SRPK2: variants seen among roughly 807,000 people sequenced by gnomAD.
SRPK2 encodes the protein SFRS protein kinase 2.
A neutral mutation model predicts 90.8 loss-of-function variants in SRPK2; 21 were observed. The observed-to-expected ratio is 0.23, with a 90% confidence interval of 0.16 to 0.33. SRPK2 has a LOEUF of 0.33. Among genes scored for constraint, SRPK2 ranks in the 10% least tolerant of loss-of-function variants. The pLI, the probability that SRPK2 is intolerant of heterozygous loss-of-function variation, is 1.00. For synonymous variants in SRPK2, 288 were observed against 311.1 expected (o/e 0.93, Z 0.78); for missense variants, 620 against 869.0 (o/e 0.71, Z 3.60).
downstream of SRPK2, chr7:105,115,325 A>C (rs1404378569): frequency 6.6e-6 from 1 of 152,224 alleles, no homozygotes; most frequent in East Asian, 1.9e-4. Context: ...GTATGGGAAG[A>C]AGCAAGTTAG....
chr7:105,331,685 G>C (rs1233728514), intron 2 of SRPK2, among the ~76,000 whole-genome samples: 1 of 152,104 alleles, frequency 6.6e-6, no homozygotes, highest in Non-Finnish European at 1.5e-5. Flanking sequence ...TCACCTCACA[G>C]AACTGAAATC....
chr7:105,342,369 T>A (rs1254057440), intron 2 of SRPK2, among the ~76,000 whole-genome samples: 1 of 150,376 alleles, frequency 6.6e-6, no homozygotes, highest in African/African-American at 2.4e-5. Context: ...TTAAATAAAA[T>A]AAAAATATAA....
intron 2 of SRPK2, among the ~76,000 whole-genome samples, chr7:105,316,300 G>C (rs781591205): frequency 2.8e-4 from 42 of 152,206 alleles, no homozygotes; most frequent in Admixed American, 2.0e-4. Flanking sequence ...CTTTTAACTT[G>C]AAGAAAATAC....
At chr7:105,329,975 C>T (rs1814089421) in intron 2 of SRPK2, among the ~76,000 whole-genome samples, 1 of 152,028 alleles carries the variant, frequency 6.6e-6, no homozygotes, top group Admixed American at 6.6e-5. Flanking sequence ...GCAGAGGTTG[C>T]AGTGAACCGA....
At chr7:105,225,149 C>CT (rs1301823351) in intron 2 of SRPK2, among the ~76,000 whole-genome samples, 2 of 151,868 alleles carry the variant, frequency 1.3e-5, no homozygotes, top group Non-Finnish European at 2.9e-5. Context: ...CTAGCCTAGG[C>CT]TTTTTTTAGA....
chr7:105,363,224 T>C (rs1042937517), intron 2 of SRPK2, among the ~76,000 whole-genome samples: 3 of 151,734 alleles, frequency 2.0e-5, no homozygotes, highest in South Asian at 2.1e-4. Flanking sequence ...TAAAAGAAAC[T>C]ACCATCAGAG....
intron 2 of SRPK2, among the ~76,000 whole-genome samples, chr7:105,295,003 G>T (rs1809596589): frequency 6.6e-6 from 1 of 152,064 alleles, no homozygotes; most frequent in African/African-American, 2.4e-5. Context: ...CTGAGGTCAG[G>T]AGTTCGAGAC....
chr7:105,301,788 G>C, intron 2 of SRPK2: 1 of 1,576,652 alleles, frequency 6.3e-7, no homozygotes, highest in Non-Finnish European at 8.7e-7. Flanking sequence ...AGCAGTAGAA[G>C]CTAATCTTGG....
intron 2 of SRPK2, among the ~76,000 whole-genome samples, chr7:105,278,758 G>C (rs1806867410): frequency 6.6e-6 from 1 of 151,440 alleles, no homozygotes; most frequent in Non-Finnish European, 1.5e-5. Context: ...GGGGAAGGCA[G>C]AAGGCGGAAG....
chr7:105,304,589 CTAAAG>C (rs1810948531), intron 2 of SRPK2, among the ~76,000 whole-genome samples: 1 of 152,182 alleles, frequency 6.6e-6, no homozygotes, highest in Non-Finnish European at 1.5e-5. Context: ...TGTATGCATA[CTAAAG>C]TAAACAGAGT....
At chr7:105,394,566 C>T (rs566878844) in intron 1 of SRPK2, among the ~76,000 whole-genome samples, 10 of 152,206 alleles carry the variant, frequency 6.6e-5, no homozygotes, top group Non-Finnish European at 1.5e-4. Flanking sequence ...TGTACTAATA[C>T]TAGTCCTCAT....
intron 2 of SRPK2, among the ~76,000 whole-genome samples, chr7:105,231,024 A>G (rs1332639496): frequency 1.3e-5 from 2 of 152,186 alleles, no homozygotes; most frequent in South Asian, 2.1e-4. Flanking sequence ...TTTGTTGTAC[A>G]GATTATTGTA....
At position 105,331,323 on chromosome 7, in the gene SRPK2, A is replaced by AAAAAAAAC. The variant is rs1554512452; in HGVS notation, c.71+57324_71+57325insGTTTTTTT. Among the ~76,000 whole-genome samples, 763 of 131,808 alleles carry AAAAAAAAC rather than the reference A, an allele frequency of 5.8e-3. 37 individuals carry two copies. The highest frequency in any genetic ancestry group is 0.019 in the African/African-American group (719 of 37,514). The allele number at this position is 131,808 out of a possible 152,430, so 86.5% of individuals were successfully genotyped here. A position where few individuals can be genotyped will look rare whatever the true frequency, so the allele number is the denominator to read the frequency against. On this transcript the variant is annotated intron_variant, in intron 2 of 15. Transcript: ENST00000393651. ...GACTCCGTCTCAAAAAAAAAAAAAA[A>AAAAAAAAC]AAAAAAAAAAAAAACAAATAGTTAT...
chr7:105,121,387 A>G (rs78316571), intron 15 of SRPK2, among the ~76,000 whole-genome samples: 6 of 148,508 alleles, frequency 4.0e-5, no homozygotes, highest in South Asian at 2.1e-4. Context: ...TAAAAAAAAA[A>G]AGAGAGAAAA....
At chr7:105,207,591 C>G (rs1033891961) in intron 2 of SRPK2, among the ~76,000 whole-genome samples, 1 of 152,082 alleles carries the variant, frequency 6.6e-6, no homozygotes, top group Non-Finnish European at 1.5e-5. Flanking sequence ...AAAGAATAGT[C>G]TTTTCAACAG....
intron 6 of SRPK2, among the ~76,000 whole-genome samples, chr7:105,163,031 G>C (rs1425143205): frequency 6.6e-6 from 1 of 152,168 alleles, no homozygotes; most frequent in Non-Finnish European, 1.5e-5. Context: ...AAATTAACTG[G>C]AGAAAAAGGA....
Position 105,292,261 on chromosome 7 carries a change from A to C in SRPK2, c.72-88476T>G, listed in dbSNP as rs566233487. On this transcript the variant is annotated intron_variant, in intron 2 of 15. Transcript: ENST00000393651. ...GTGGCTCACACCTGTAATTCCCAGC[A>C]CTTTGGGAGGCCGAGGCGGGCCAAT... Among the ~76,000 whole-genome samples the C allele has an allele frequency of 2.6e-5, 4 of 152,332 alleles. No homozygotes were observed. In the East Asian group the frequency reaches 7.7e-4, roughly 29 times the overall value.
intron 2 of SRPK2, among the ~76,000 whole-genome samples, chr7:105,355,226 T>C (rs1311089474): frequency 6.6e-6 from 1 of 152,106 alleles, no homozygotes; most frequent in African/African-American, 2.4e-5. Flanking sequence ...CAGGGCACAG[T>C]GGCTAACGCC....
At chr7:105,286,709 T>C (rs1808153010) in intron 2 of SRPK2, among the ~76,000 whole-genome samples, 1 of 152,198 alleles carries the variant, frequency 6.6e-6, no homozygotes, top group Non-Finnish European at 1.5e-5. Flanking sequence ...AAAATGACAA[T>C]ATTGCAAATG....
Sources: allele counts gnomAD v4.1 joint callset (sites outside exome capture counted in the v4.1 genomes callset), GRCh38; gene constraint gnomAD v4.1.1; transcripts MANE v1.5; gene names NCBI Gene and HGNC (gene_info 2026-07-23, HGNC 2026-07-21).